Variants in NDC1 observed in about 807,000 individuals in gnomAD.
The protein encoded by NDC1 is NDC1 transmembrane nucleoporin, also known as nucleoporin NDC1.
In NDC1, 24 loss-of-function variants were observed where a neutral mutation model predicts 89.8. That is an observed-to-expected ratio of 0.27 (90% CI 0.19 to 0.38). The LOEUF (loss-of-function observed/expected upper bound fraction) is 0.38, where lower values mean the gene tolerates loss of function less well. Ranked by LOEUF, NDC1 falls within the 10% of genes least tolerant of loss-of-function variation. The probability of loss-of-function intolerance (pLI) is 1.00; values close to 1 mark genes in which losing one functional copy is unlikely to be tolerated. For synonymous variants in NDC1, 296 were observed against 284.8 expected (o/e 1.04, Z -0.39); for missense variants, 728 against 797.6 (o/e 0.91, Z 1.05).
rs1647888568 is a variant in NDC1, at chr1:53,800,863, C to T, written c.1067-15G>A. On this transcript the variant is annotated splice_polypyrimidine_tract_variant and intron_variant, in intron 10 of 17. Coordinates refer to ENST00000371429, the MANE Select transcript of NDC1 (RefSeq NM_018087.5). ...GGGATGTCCACCTAGGAGGTCCAAA[C>T]ACCAGCTTTTAAAATGTAAATAATC... 1 of 1,556,392 alleles carries T rather than the reference C, an allele frequency of 6.4e-7. No individual in the cohort carries two copies.
intron 11 of NDC1, among the ~76,000 whole-genome samples, chr1:53,798,017 G>A (rs544168564): frequency 6.6e-6 from 1 of 151,948 alleles, no homozygotes; most frequent in African/African-American, 2.4e-5. Flanking sequence ...TTTTTCAAAA[G>A]TCATCTTATG....
rs780466354 is a variant in NDC1, at chr1:53,803,886, T to C, written c.1066+42A>G. On this transcript the variant is annotated intron_variant, in intron 10 of 17. Transcript: ENST00000371429. ...ATGCCTGGCCAAGTGAATTACTTTC[T>C]ACACACATATGCCTAATCAAGTCTA... 1.3e-5 allele frequency: 19 copies of C among 1,460,026 alleles called. No individual in the cohort carries two copies. In the South Asian group the frequency reaches 1.5e-4, roughly 11 times the overall value. 90.4% of individuals were successfully genotyped at this position (1,460,026 alleles called of 1,614,324 possible). A position where few individuals can be genotyped will look rare whatever the true frequency, so the allele number is the denominator to read the frequency against.
chr1:53,804,100 G>A, intron 9 of NDC1, 91 bp from the exon 10 acceptor site: 2 of 873,758 alleles, frequency 2.3e-6, no homozygotes, highest in Admixed American at 2.4e-5. Context: ...TATCCAAGAG[G>A]AAATTAATTA....
In NDC1 at chr1:53,796,991, A is replaced by T; in HGVS notation, c.1376T>A (p.Met459Lys). 6.2e-7 allele frequency: 1 copy of T among 1,614,190 alleles called. No homozygotes were observed. Among genetic ancestry groups the T allele is most frequent in the Non-Finnish European group, 8.5e-7 (1 of 1,180,016 alleles). ...TPFGSSVMNR[M>K]AGIFDVNTCY... ...GGTGTTTACATCAAAAATTCCAGCC[A>T]TCCGATTCATTACACTAGAGCCAAA... The change falls in exon 12 of 18, where the codon ATG (methionine) becomes AAG (lysine). Residue 459 changes from methionine (M) to lysine (K), a missense_variant. Transcript: ENST00000371429.
At chr1:53,832,455 C>A in intron 3 of NDC1, 35 bp downstream of exon 3, 1 of 1,086,300 alleles carries the variant, frequency 9.2e-7, no homozygotes, top group Non-Finnish European at 1.4e-6. Flanking sequence ...AATAAATTCG[C>A]ATATTTCTAA....
At chr1:53,782,961 T>A (rs905034789) in intron 16 of NDC1, among the ~76,000 whole-genome samples, 3 of 152,216 alleles carry the variant, frequency 2.0e-5, no homozygotes, top group Non-Finnish European at 4.4e-5. Context: ...ATAATTTCAA[T>A]ATAACTGATT....
chr1:53,779,779 T>C (rs923421165), intron 16 of NDC1, among the ~76,000 whole-genome samples: 1 of 152,224 alleles, frequency 6.6e-6, no homozygotes, highest in Admixed American at 6.5e-5. Flanking sequence ...ACAAAAAACA[T>C]TTTTAAAGCA....
chr1:53,785,873 A>G (rs186421826), intron 16 of NDC1, among the ~76,000 whole-genome samples: 3 of 152,156 alleles, frequency 2.0e-5, no homozygotes, highest in African/African-American at 7.2e-5. Flanking sequence ...CTTCCTCCAG[A>G]AGGCCTACTA....
intron 14 of NDC1, among the ~76,000 whole-genome samples, chr1:53,791,539 G>C (rs1177080825): frequency 6.6e-6 from 1 of 152,044 alleles, no homozygotes; most frequent in Non-Finnish European, 1.5e-5. Context: ...CCATGGAATA[G>C]TGTGGAACAA....
chr1:53,769,670 T>C (rs1257178743), intron 17 of NDC1, among the ~76,000 whole-genome samples: 2 of 152,320 alleles, frequency 1.3e-5, no homozygotes, highest in East Asian at 3.9e-4. Flanking sequence ...CTTTGAATAG[T>C]GAATAATCAG....
intron 8 of NDC1, 139 bp downstream of exon 8, chr1:53,807,517 C>A: frequency 1.8e-6 from 1 of 570,212 alleles, no homozygotes; most frequent in African/African-American, 2.0e-5. Flanking sequence ...AATGATATGG[C>A]CCCAAGAGTC....
intron 1 of NDC1, among the ~76,000 whole-genome samples, chr1:53,837,571 C>CA (rs199801630): frequency 0.054 from 6,732 of 123,742 alleles, 197 homozygotes; most frequent in Non-Finnish European, 0.077. Context: ...GCCTCCGGCT[C>CA]AAAAAAAAAA....
intron 4 of NDC1, among the ~76,000 whole-genome samples, chr1:53,826,775 T>A (rs1177905974): frequency 6.6e-6 from 1 of 152,148 alleles, no homozygotes; most frequent in Non-Finnish European, 1.5e-5. Context: ...GTTGTAGGCC[T>A]GCCCCACCAT....
intron 11 of NDC1, 75 bp downstream of exon 11, chr1:53,800,618 C>T: frequency 1.3e-6 from 2 of 1,537,042 alleles, no homozygotes; most frequent in African/African-American, 1.4e-5. Context: ...AGCCACAGCG[C>T]CCAGTCTACT....
At chr1:53,838,006 C>T (rs1649294944) in intron 1 of NDC1, among the ~76,000 whole-genome samples, 199 bp downstream of exon 1, 2 of 152,240 alleles carry the variant, frequency 1.3e-5, no homozygotes, top group African/African-American at 2.4e-5. Context: ...CACTCAGGAC[C>T]CCTCTCCTAC....
intron 16 of NDC1, among the ~76,000 whole-genome samples, chr1:53,777,994 C>T (rs1041118612): frequency 9.2e-5 from 14 of 152,038 alleles, no homozygotes; most frequent in Middle Eastern, 6.8e-3. Flanking sequence ...CCACCGCGCC[C>T]GGAGAATCTT....
At chr1:53,795,149 C>T (rs1229245258) in intron 13 of NDC1, among the ~76,000 whole-genome samples, 1 of 152,108 alleles carries the variant, frequency 6.6e-6, no homozygotes, top group East Asian at 1.9e-4. Flanking sequence ...CTGACACTCC[C>T]ACCTTCTCCT....
intron 16 of NDC1, among the ~76,000 whole-genome samples, chr1:53,780,665 T>C (rs865975110): frequency 2.0e-5 from 3 of 152,120 alleles, no homozygotes; most frequent in African/African-American, 4.8e-5. Context: ...TAGGATGACA[T>C]TGGCCTTTCC....
intron 6 of NDC1, among the ~76,000 whole-genome samples, chr1:53,817,581 T>A (rs1169667088): frequency 6.6e-6 from 1 of 152,048 alleles, no homozygotes; most frequent in Non-Finnish European, 1.5e-5. Context: ...AAATTACCAC[T>A]AAAGAATTTA....
Sources: gnomAD v4.1 joint callset for allele counts (sites outside exome capture counted in the v4.1 genomes callset) on GRCh38, gnomAD v4.1.1 for gene constraint, MANE v1.5 for transcripts, NCBI Gene and HGNC (gene_info 2026-07-23, HGNC 2026-07-21) for gene names.